MALRD1: variants seen among roughly 807,000 people sequenced by gnomAD.
MALRD1 encodes the protein MAM and LDL receptor class A domain containing 1.
In MALRD1, 247 loss-of-function variants were observed where a neutral mutation model predicts 242.1. The ratio of observed to expected loss-of-function variants is 1.02; its 90% CI spans 0.92 to 1.13. MALRD1 has a LOEUF of 1.13. Ranked by LOEUF, MALRD1 falls within the 50% of genes most tolerant of loss-of-function variation. MALRD1 has a pLI of 0.00. For synonymous variants in MALRD1, 995 were observed against 866.6 expected, an observed-to-expected ratio of 1.15 and a Z score of -2.60; for missense variants, 2,989 against 2,533.1, an observed-to-expected ratio of 1.18 and a Z score of -3.86.
At chr10:19,076,568 A>C (rs971854020) in intron 2 of MALRD1, among the ~76,000 whole-genome samples, 1 of 151,952 alleles carries the variant, frequency 6.6e-6, no homozygotes, top group African/African-American at 2.4e-5. Context: ...TCACTGAATT[A>C]TCTTAACACG....
chr10:19,315,647 T>C (rs1842666090), intron 21 of MALRD1, among the ~76,000 whole-genome samples: 1 of 126,096 alleles, frequency 7.9e-6, no homozygotes, highest in South Asian at 2.3e-4. Context: ...TATATAAATA[T>C]ATAAATATTA....
chr10:19,174,753 T>A (rs1564443627), intron 13 of MALRD1, among the ~76,000 whole-genome samples: 1 of 152,140 alleles, frequency 6.6e-6, no homozygotes, highest in Non-Finnish European at 1.5e-5. Context: ...TGTTTCTGTG[T>A]ATGTATATAA....
intron 5 of MALRD1, among the ~76,000 whole-genome samples, chr10:19,121,349 A>C (rs544866835): frequency 6.6e-6 from 1 of 152,192 alleles, no homozygotes; most frequent in South Asian, 2.1e-4. Flanking sequence ...CTACTTGTAC[A>C]CTTTAAAATA....
chr10:19,155,101 C>T lies in MALRD1; in HGVS notation c.1585C>T (p.Arg529Cys), dbSNP rs996849815. Residue 529 changes from arginine to cysteine, a missense_variant, in exon 12 of 40, where the codon CGC (arginine) becomes TGC (cysteine). Coordinates refer to ENST00000454679, the MANE Select transcript of MALRD1 (RefSeq NM_001142308.3). ...HGSFIYLEAQ[R>C]SPGVAKLGSP... Reference sequence around the variant, plus strand: ...ATCGTTTATTTATTTGGAGGCACAGCGCTCCCCCGGGGTGGCCAAGCTTGG... The same window carrying T: ...ATCGTTTATTTATTTGGAGGCACAGTGCTCCCCCGGGGTGGCCAAGCTTGG... The T allele has an allele frequency of 5.7e-6, 7 of 1,231,354 alleles. No homozygotes were observed. The highest frequency in any genetic ancestry group is 4.7e-5 in the African/African-American group (3 of 64,378). 76.3% of individuals were successfully genotyped at this position (1,231,354 alleles called of 1,614,324 possible). A position where few individuals can be genotyped will look rare whatever the true frequency, so the allele number is the denominator to read the frequency against.
intron 31 of MALRD1, among the ~76,000 whole-genome samples, chr10:19,506,110 T>C (rs981483403): frequency 6.6e-6 from 1 of 152,198 alleles, no homozygotes; most frequent in Non-Finnish European, 1.5e-5. Flanking sequence ...TTTGCCTGCA[T>C]GCTCAACCTA....
chr10:19,146,448 A>G (rs963618990), intron 11 of MALRD1, 104 bp downstream of exon 11: 9 of 1,033,714 alleles, frequency 8.7e-6, no homozygotes, highest in Admixed American at 4.3e-5. Context: ...GTATACATGG[A>G]ACTCTGGTTT....
intron 31 of MALRD1, among the ~76,000 whole-genome samples, chr10:19,500,750 G>A (rs1026818940): frequency 6.6e-6 from 1 of 152,180 alleles, no homozygotes; most frequent in African/African-American, 2.4e-5. Flanking sequence ...ATTTATGTCA[G>A]CATTGCTTTT....
intron 34 of MALRD1, among the ~76,000 whole-genome samples, chr10:19,606,638 G>C (rs576288960): frequency 2.0e-5 from 3 of 152,232 alleles, no homozygotes; most frequent in South Asian, 4.1e-4. Context: ...CACAGTGCTA[G>C]ACAGTAGAGT....
intron 35 of MALRD1, among the ~76,000 whole-genome samples, chr10:19,614,168 G>T (rs1839029914): frequency 6.6e-6 from 1 of 151,888 alleles, no homozygotes; most frequent in South Asian, 2.1e-4. Flanking sequence ...GATACTTATT[G>T]TTTGTTAACC....
At chr10:19,511,503 G>A (rs1006244053) in intron 31 of MALRD1, among the ~76,000 whole-genome samples, 1 of 152,146 alleles carries the variant, frequency 6.6e-6, no homozygotes, top group Non-Finnish European at 1.5e-5. Context: ...TCTACAAAAT[G>A]CCAAACTATT....
chr10:19,171,487 T>C (rs11598547), intron 13 of MALRD1, among the ~76,000 whole-genome samples: 5 of 141,616 alleles, frequency 3.5e-5, no homozygotes, highest in Non-Finnish European at 6.0e-5. Flanking sequence ...CACACATATA[T>C]ACACACACAT....
At chr10:19,661,840 T>C (rs183154357) in intron 36 of MALRD1, among the ~76,000 whole-genome samples, 209 of 151,990 alleles carry the variant, frequency 1.4e-3, no homozygotes, top group African/African-American at 4.4e-3. Flanking sequence ...CAGATGAAAA[T>C]TAACAAGAAT....
intron 32 of MALRD1, among the ~76,000 whole-genome samples, 171 bp downstream of exon 32, chr10:19,531,522 A>G (rs891671486): frequency 4.6e-5 from 7 of 152,196 alleles, no homozygotes; most frequent in Non-Finnish European, 8.8e-5. Flanking sequence ...GCTGTCATTC[A>G]TCTTAATCTC....
intron 36 of MALRD1, among the ~76,000 whole-genome samples, chr10:19,626,294 A>ATTTTTT (rs35740836): frequency 7.4e-6 from 1 of 134,322 alleles, no homozygotes; most frequent in African/African-American, 2.8e-5. Flanking sequence ...TAAAATCAAG[A>ATTTTTT]TTTTTTTTTT....
chr10:19,621,829 C>G (rs1839416237), intron 36 of MALRD1, among the ~76,000 whole-genome samples: 1 of 151,580 alleles, frequency 6.6e-6, no homozygotes, highest in South Asian at 2.1e-4. Flanking sequence ...TTCATGGCCT[C>G]TAGGAAAAGA....
intron 28 of MALRD1, among the ~76,000 whole-genome samples, chr10:19,429,873 C>T (rs541217539): frequency 6.6e-6 from 1 of 152,124 alleles, no homozygotes; most frequent in Non-Finnish European, 1.5e-5. Context: ...TTCACCTCCC[C>T]AAATTCCCTA....
intron 14 of MALRD1, among the ~76,000 whole-genome samples, chr10:19,177,877 T>C (rs991337493): frequency 1.3e-5 from 2 of 152,058 alleles, no homozygotes; most frequent in African/African-American, 4.8e-5. Context: ...AAAGGACCCC[T>C]CTAGAATGAG....
intron 35 of MALRD1, among the ~76,000 whole-genome samples, chr10:19,611,059 A>T (rs977888779): frequency 1.2e-4 from 18 of 151,996 alleles, no homozygotes; most frequent in Admixed American, 5.9e-4. Context: ...TCCCCCCAGT[A>T]TAGAAAGATG....
Position 19,204,296 on chromosome 10 carries a change from TTA to T in MALRD1, c.2105-10_2105-9del. On this transcript the variant is annotated splice_polypyrimidine_tract_variant and intron_variant, in intron 15 of 39. Transcript: ENST00000454679. ...TTAATGAAGCGTTTTTTTTTTTTTT[TTA>T]TCTCAACAGGGCATTTTATGTTCAT... 2.0e-6 allele frequency: 3 copies of T among 1,491,906 alleles called. No homozygotes were observed. Among genetic ancestry groups the T allele is most frequent in the Non-Finnish European group, 1.8e-6 (2 of 1,117,010 alleles). 92.4% of individuals were successfully genotyped at this position (1,491,906 alleles called of 1,614,324 possible).
Sources: allele counts gnomAD v4.1 joint callset (sites outside exome capture counted in the v4.1 genomes callset), GRCh38; gene constraint gnomAD v4.1.1; transcripts MANE v1.5; gene names NCBI Gene and HGNC (gene_info 2026-07-23, HGNC 2026-07-21).